SYNJ2: variants seen among roughly 807,000 people sequenced by gnomAD.
SYNJ2 encodes the protein polyphosphatidylinositol phosphatase SYNJ2.
Under a neutral mutation model 141.3 loss-of-function variants are expected in SYNJ2, and 116 were observed. That is an observed-to-expected ratio of 0.82 (90% CI 0.71 to 0.96). SYNJ2 has a LOEUF of 0.96. SYNJ2 is among the 40% of genes least tolerant of loss of function. The probability of loss-of-function intolerance (pLI) is 0.00; values close to 1 mark genes in which losing one functional copy is unlikely to be tolerated. For missense variants in SYNJ2, 1,873 were observed against 1,934.8 expected (o/e 0.97, Z 0.60); for synonymous variants, 745 against 777.7 (o/e 0.96, Z 0.70).
intron 1 of SYNJ2, among the ~76,000 whole-genome samples, chr6:157,993,710 C>CTTTT (rs34971762): frequency 0.016 from 647 of 40,558 alleles, 89 homozygotes; most frequent in African/African-American, 0.068. Context: ...TCTTGCATAG[C>CTTTT]TTTTTTTTTT....
At chr6:158,083,377 A>AG in intron 20 of SYNJ2, 52 bp from the exon 21 acceptor site, 1 of 1,592,116 alleles carries the variant, frequency 6.3e-7, no homozygotes, top group Non-Finnish European at 8.6e-7. Flanking sequence ...TGTGATCAAC[A>AG]GGAGGGGTCA....
intron 21 of SYNJ2, 144 bp from the exon 22 acceptor site, chr6:158,083,857 A>G: frequency 9.7e-7 from 1 of 1,031,244 alleles, no homozygotes; most frequent in East Asian, 2.4e-5. Flanking sequence ...GAACTGGGGT[A>G]CCGTCCCTGC....
intron 2 of SYNJ2, 83 bp downstream of exon 2, chr6:158,017,373 G>A (rs1778513325): frequency 1.4e-6 from 2 of 1,434,840 alleles, no homozygotes; most frequent in African/African-American, 1.4e-5. Context: ...CTCAGTGCAG[G>A]CATTCTGTTT....
intron 6 of SYNJ2, among the ~76,000 whole-genome samples, chr6:158,058,866 G>C (rs991759179): frequency 3.3e-5 from 5 of 152,222 alleles, no homozygotes; most frequent in African/African-American, 1.2e-4. Flanking sequence ...CCAGGAGTTT[G>C]AGGCAGCAGT....
intron 11 of SYNJ2, among the ~76,000 whole-genome samples, chr6:158,066,041 G>A (rs1173771206): frequency 6.6e-6 from 1 of 152,192 alleles, no homozygotes; most frequent in Non-Finnish European, 1.5e-5. Context: ...AGTGTATATG[G>A]ATGCATACAC....
intron 26 of SYNJ2, among the ~76,000 whole-genome samples, chr6:158,094,781 T>C (rs1783697628): frequency 6.6e-6 from 1 of 152,250 alleles, no homozygotes; most frequent in African/African-American, 2.4e-5. Flanking sequence ...GTGCAGTTGT[T>C]TTCTTTGTGA....
Position 158,029,018 on chromosome 6 carries a change from C to T in SYNJ2, c.477C>T (p.Ser159=), listed in dbSNP as rs1465224867. ...QGDDSSEWGN[S]FFWNQLLHVP... is the part of the protein sequence containing the mutation. ...ATGACAGCTCTGAATGGGGGAACTC[C>T]TTCTTCTGGTGAGGCCCTGGGTCCC... Residue 159 remains serine (S), a synonymous_variant, in exon 3 of 27, where the codon TCC becomes TCT. Transcript: ENST00000355585. The T allele has an allele frequency of 1.3e-5, 21 of 1,614,128 alleles. No homozygotes were observed. The highest frequency in any genetic ancestry group is 1.8e-5 in the Non-Finnish European group (21 of 1,179,982).
chr6:158,069,806 T>C (rs58455918), intron 14 of SYNJ2, 133 bp downstream of exon 14: 2 of 1,177,050 alleles, frequency 1.7e-6, no homozygotes, highest in Non-Finnish European at 1.1e-6. Flanking sequence ...TTTAGATAAA[T>C]GTAGCAAAAC....
intron 13 of SYNJ2, among the ~76,000 whole-genome samples, chr6:158,069,219 C>T (rs774839083): frequency 6.6e-6 from 1 of 152,086 alleles, no homozygotes; most frequent in Non-Finnish European, 1.5e-5. Context: ...CCCCCCACCC[C>T]CTGCTGAACT....
intron 7 of SYNJ2, among the ~76,000 whole-genome samples, chr6:158,061,548 G>A (rs186403641): frequency 3.9e-5 from 6 of 152,252 alleles, no homozygotes; most frequent in African/African-American, 7.2e-5. Context: ...AGGCTGGTGC[G>A]CGGCAGGATG....
chr6:158,007,707 A>G (rs2128323351), intron 1 of SYNJ2, among the ~76,000 whole-genome samples: 1 of 152,114 alleles, frequency 6.6e-6, no homozygotes, highest in Non-Finnish European at 1.5e-5. Context: ...CAGTGGCGTG[A>G]CCATGGCTCC....
At chr6:158,036,029 G>A (rs748824156) in intron 4 of SYNJ2, among the ~76,000 whole-genome samples, 1 of 150,942 alleles carries the variant, frequency 6.6e-6, no homozygotes, top group African/African-American at 2.4e-5. Context: ...TCAAAAGAAG[G>A]CATACATGCG....
rs1234207064 is a variant in SYNJ2, at chr6:158,093,005, A to G, written c.3645A>G (p.Ala1215=). The change falls in exon 26 of 27, where the codon GCA becomes GCG. Residue 1215 remains alanine (A), a synonymous_variant. Coordinates refer to ENST00000355585, the MANE Select transcript of SYNJ2 (RefSeq NM_003898.4). Reference sequence around the variant, plus strand: ...CTGAACCAGAGCCCACACCGGGGGCAGCCAAACCAGAGACCCCACAGGCGC... The same window carrying G: ...CTGAACCAGAGCCCACACCGGGGGCGGCCAAACCAGAGACCCCACAGGCGC... ...ASSEPEPTPG[A]AKPETPQAPP... is the part of the protein sequence containing the mutation. 6 of 1,613,252 alleles carry G rather than the reference A, an allele frequency of 3.7e-6. 1 individual carries two copies. The South Asian group carries it at 6.6e-5, about 18-fold the overall frequency.
chr6:158,003,559 A>G (rs909106939), intron 1 of SYNJ2, among the ~76,000 whole-genome samples: 3 of 152,212 alleles, frequency 2.0e-5, no homozygotes, highest in African/African-American at 7.2e-5. Context: ...TGTGGCCACA[A>G]ATGCTACCTC....
At chr6:158,004,748 T>G (rs1777987746) in intron 1 of SYNJ2, among the ~76,000 whole-genome samples, 1 of 152,230 alleles carries the variant, frequency 6.6e-6, no homozygotes, top group Non-Finnish European at 1.5e-5. Flanking sequence ...TCTCGGGGTC[T>G]GGATCGGGAC....
At chr6:158,072,126 C>T (rs1781971380) in intron 15 of SYNJ2, among the ~76,000 whole-genome samples, 1 of 152,212 alleles carries the variant, frequency 6.6e-6, no homozygotes, top group East Asian at 1.9e-4. Flanking sequence ...CGTGGTCTGT[C>T]CTGTCCAAGT....
chr6:157,998,373 AC>A (rs1243405483), intron 1 of SYNJ2, among the ~76,000 whole-genome samples: 1 of 152,228 alleles, frequency 6.6e-6, no homozygotes, highest in African/African-American at 2.4e-5. Context: ...GTTATAATTC[AC>A]TTATGGGTCT....
chr6:158,086,922 G>A lies in SYNJ2; in HGVS notation c.3276G>A (p.Pro1092=), dbSNP rs773962743. 26 of 1,609,106 alleles carry A rather than the reference G, an allele frequency of 1.6e-5. No individual in the cohort carries two copies. The highest frequency in any genetic ancestry group is 5.3e-5 in the African/African-American group (4 of 74,920). ...TCGGGGAGTTCCGCCACCGTTCTCC[G>A]AGCAGGTCTCTGTCGGTCCCCAACC... ...EAVGEFRHRS[P]SRSLSVPNRP... The change falls in exon 23 of 27, where the codon CCG becomes CCA. Residue 1092 remains proline (P), a synonymous_variant. Coordinates refer to ENST00000355585, the MANE Select transcript of SYNJ2 (RefSeq NM_003898.4).
rs1782684291 is a variant in SYNJ2 at position 158,081,579 on chromosome 6, C to T, written c.2865+69C>T. 5.4e-6 allele frequency: 4 copies of T among 738,240 alleles called. No homozygotes were observed. In the East Asian group the frequency reaches 1.1e-4, roughly 21 times the overall value. 45.7% of individuals were successfully genotyped at this position (738,240 alleles called of 1,614,324 possible). A position where few individuals can be genotyped will look rare whatever the true frequency, so the allele number is the denominator to read the frequency against. On this transcript the variant is annotated intron_variant, in intron 20 of 26. Coordinates refer to ENST00000355585, the MANE Select transcript of SYNJ2 (RefSeq NM_003898.4). Reference sequence around the variant, plus strand: ...CCCTCTTTTTATGTGGGCATGTCTTCTTCCTCCTCTTGCCCTGACCTGTGC... The same window carrying T: ...CCCTCTTTTTATGTGGGCATGTCTTTTTCCTCCTCTTGCCCTGACCTGTGC...
Sources: gnomAD v4.1 joint callset for allele counts (sites outside exome capture counted in the v4.1 genomes callset) on GRCh38, gnomAD v4.1.1 for gene constraint, MANE v1.5 for transcripts, NCBI Gene and HGNC (gene_info 2026-07-23, HGNC 2026-07-21) for gene names.